The following CLPTM1 variants were observed in gnomAD, a reference collection of about 807,000 sequenced individuals.
The protein encoded by CLPTM1 is CLPTM1 regulator of GABA type A receptor forward trafficking, also known as putative lipid scramblase CLPTM1.
CLPTM1 carries 21 observed loss-of-function variants against 77.3 expected under a neutral mutation model. The ratio of observed to expected loss-of-function variants is 0.27; its 90% CI spans 0.19 to 0.39. CLPTM1 has a LOEUF of 0.39. CLPTM1 is among the 10% of genes least tolerant of loss of function. The pLI is 1.00. For synonymous variants in CLPTM1, 373 were observed against 381.0 expected (o/e 0.98, Z 0.24); for missense variants, 642 against 921.2 (o/e 0.70, Z 3.92).
intron 4 of CLPTM1, among the ~76,000 whole-genome samples, chr19:44,975,435 A>G (rs530406119): frequency 2.0e-5 from 3 of 152,238 alleles, no homozygotes; most frequent in Non-Finnish European, 4.4e-5. Flanking sequence ...GCTGAGTCCA[A>G]GACAGCTGCC....
chr19:44,986,473 C>G lies in CLPTM1; in HGVS notation c.691C>G (p.Pro231Ala), dbSNP rs2122323418. The change falls in exon 7 of 14, where the codon CCT becomes GCT. Residue 231 changes from proline (P) to alanine (A), a missense_variant. Pro to Ala is a conservative substitution (Grantham distance 27). Around this residue, in one of 2 missense-constraint regions of CLPTM1, gnomAD observed 521 missense variants for 800.4 expected, o/e 0.65. Transcript: ENST00000337392. ...GCCTCAGAGGGCTGAGGACTATGGG[C>G]CTGTGGAGGTGATCTCCCATTGGCA... ...EMIKRAEDYG[P>A]VEVISHWHPN... The G allele has an allele frequency of 6.2e-7, 1 of 1,614,074 alleles. No homozygotes were observed. Among genetic ancestry groups the G allele is most frequent in the Non-Finnish European group, 8.5e-7 (1 of 1,179,964 alleles).
At chr19:44,960,490 A>G (rs1250875858) in intron 1 of CLPTM1, among the ~76,000 whole-genome samples, 4 of 152,180 alleles carry the variant, frequency 2.6e-5, no homozygotes, top group Non-Finnish European at 5.9e-5. Flanking sequence ...TGGGACCAGG[A>G]CTATAGCTGA....
chr19:44,976,245 G>A (rs1379014303), intron 4 of CLPTM1, among the ~76,000 whole-genome samples: 2 of 152,174 alleles, frequency 1.3e-5, no homozygotes, highest in Non-Finnish European at 2.9e-5. Context: ...AAGGACCAGG[G>A]CCTGGCAGGC....
intron 5 of CLPTM1, among the ~76,000 whole-genome samples, chr19:44,979,372 G>C (rs917966383): frequency 6.6e-6 from 1 of 152,114 alleles, no homozygotes; most frequent in African/African-American, 2.4e-5. Flanking sequence ...AGCGGAGCTG[G>C]AGAATGGCTT....
intron 9 of CLPTM1, among the ~76,000 whole-genome samples, chr19:44,989,703 A>G (rs533648862): frequency 1.3e-5 from 2 of 152,280 alleles, no homozygotes; most frequent in African/African-American, 4.8e-5. Flanking sequence ...ACTGTGCTAC[A>G]GACGTGGTGG....
Position 44,993,063 on chromosome 19 carries a change from C to T in CLPTM1, c.*166C>T, listed in dbSNP as rs929129060. On this transcript the variant is annotated 3_prime_UTR_variant, in exon 14 of 14. Transcript: ENST00000337392. Reference sequence around the variant, plus strand: ...CGTGTGATGTAGGGGCCGGGGCAGGCCAGGGTTTGTTTGTGGAGGCGCTGT... The same window carrying T: ...CGTGTGATGTAGGGGCCGGGGCAGGTCAGGGTTTGTTTGTGGAGGCGCTGT... 14 of 881,264 alleles carry T rather than the reference C, an allele frequency of 1.6e-5. No individual in the cohort carries two copies. Among genetic ancestry groups the T allele is most frequent in the Middle Eastern group, 2.1e-4 (1 of 4,724 alleles). The allele number at this position is 881,264 out of a possible 1,614,324, so 54.6% of individuals were successfully genotyped here. A position where few individuals can be genotyped will look rare whatever the true frequency, so the allele number is the denominator to read the frequency against.
chr19:44,988,251 C>T (rs953017963), intron 9 of CLPTM1, 78 bp downstream of exon 9: 13 of 1,032,746 alleles, frequency 1.3e-5, no homozygotes, highest in Middle Eastern at 4.0e-4. Context: ...CCTCCCCTCC[C>T]TCCCCACATG....
intron 8 of CLPTM1, 32 bp from the exon 9 acceptor site, chr19:44,988,048 G>A: frequency 1.3e-6 from 2 of 1,525,488 alleles, no homozygotes; most frequent in Non-Finnish European, 1.8e-6. Flanking sequence ...TCCTGGGTGG[G>A]GACAGGCTGT....
At chr19:44,969,551 G>A (rs952648699) in intron 2 of CLPTM1, among the ~76,000 whole-genome samples, 10 of 152,180 alleles carry the variant, frequency 6.6e-5, no homozygotes, top group African/African-American at 1.9e-4. Flanking sequence ...CTTGCTGTTT[G>A]TTGTGCCATT....
chr19:44,971,802 G>A (rs983690113), intron 2 of CLPTM1, among the ~76,000 whole-genome samples: 5 of 149,898 alleles, frequency 3.3e-5, no homozygotes, highest in African/African-American at 9.8e-5. Context: ...CAAGCAATCC[G>A]CCTGCCTCAG....
At chr19:44,955,369 G>A, upstream of CLPTM1, 6 of 1,274,220 alleles carry the variant, frequency 4.7e-6, no homozygotes, top group Non-Finnish European at 6.0e-6. Flanking sequence ...GGGGCTGGCG[G>A]CGGGGGCGGG....
At position 44,992,872 on chromosome 19, in the gene CLPTM1, C is replaced by T. The variant is rs1393589201; in HGVS notation, c.1985C>T (p.Pro662Leu). ...ASEPQEAPPK[P>L]AEDKKKD The stretch of plus-strand genomic sequence containing the variant: ...GAGCCCCAGGAAGCCCCTCCAAAGC[C>T]AGCAGAGGACAAGAAAAAGGATTAG... Residue 662 changes from proline to leucine, a missense_variant, in exon 14 of 14, where the codon CCA becomes CTA. This residue lies in a region of CLPTM1 where 521 missense variants were observed against 800.4 expected (regional missense o/e 0.65). Transcript: ENST00000337392. This position sits in a 1 kb window ranked among gnomAD's most constrained non-coding sequence, Gnocchi z 7.7. 1.9e-6 allele frequency: 3 copies of T among 1,613,724 alleles called. No homozygotes were observed. The highest frequency in any genetic ancestry group is 2.7e-5 in the African/African-American group (2 of 74,910).
chr19:44,986,313 G>A, intron 6 of CLPTM1, 142 bp from the exon 7 acceptor site: 1 of 1,096,430 alleles, frequency 9.1e-7, no homozygotes, highest in Non-Finnish European at 1.3e-6. Flanking sequence ...AGCTTGGGCA[G>A]CATAGTGAGA....
At chr19:44,954,883 G>A (rs1970432152), upstream of CLPTM1, 19 of 1,262,254 alleles carry the variant, frequency 1.5e-5, no homozygotes, top group Non-Finnish European at 2.1e-5. Context: ...AGGAAGAGGG[G>A]TCAGAAGACA....
intron 9 of CLPTM1, 96 bp downstream of exon 9, chr19:44,988,269 C>T (rs1179626951): frequency 4.4e-6 from 4 of 918,388 alleles, no homozygotes; most frequent in South Asian, 2.7e-5. Context: ...ATGTCCTCCC[C>T]CTGCCTGGGG....
chr19:44,976,798 C>T (rs1417767752), intron 4 of CLPTM1, among the ~76,000 whole-genome samples: 1 of 152,178 alleles, frequency 6.6e-6, no homozygotes, highest in African/African-American at 2.4e-5. Flanking sequence ...ACTTGCCACA[C>T]ACTATGTGAC....
At chr19:44,981,959 TTTAA>T (rs1438966751) in intron 5 of CLPTM1, among the ~76,000 whole-genome samples, 5 of 152,022 alleles carry the variant, frequency 3.3e-5, no homozygotes, top group African/African-American at 1.2e-4. Context: ...TCAATAATAG[TTTAA>T]TTGAGCTCAA....
rs139577112 is a variant in CLPTM1 at position 44,988,264 on chromosome 19, C to T, written c.1132+91C>T. On this transcript the variant is annotated intron_variant, in intron 9 of 13. Transcript: ENST00000337392. ...CTCCTCCCCTCCCTCCCCACATGTCCTCCCCCTGCCTGGGGTCTCTCAGCC... is the reference window on the plus strand; with the variant it reads ...CTCCTCCCCTCCCTCCCCACATGTCTTCCCCCTGCCTGGGGTCTCTCAGCC... 6.5e-4 allele frequency: 605 copies of T among 934,188 alleles called. 4 individuals carry two copies. In the African/African-American group the frequency reaches 8.8e-3, roughly 14 times the overall value. 57.9% of individuals were successfully genotyped at this position (934,188 alleles called of 1,614,324 possible).
Position 44,993,104 on chromosome 19 carries a change from T to G in CLPTM1, c.*207T>G, listed in dbSNP as rs1387154456. 12 of 693,852 alleles carry G rather than the reference T, an allele frequency of 1.7e-5. No homozygotes were observed. The highest frequency in any genetic ancestry group is 3.1e-5 in the Non-Finnish European group (12 of 381,718). 43.0% of individuals were successfully genotyped at this position (693,852 alleles called of 1,614,324 possible). A position where few individuals can be genotyped will look rare whatever the true frequency, so the allele number is the denominator to read the frequency against. On this transcript the variant is annotated 3_prime_UTR_variant, in exon 14 of 14. Transcript: ENST00000337392. ...GAGGCGCTGTCTGTCCCTCTGTCCC[T>G]CTGTGTTTCCAGCCATCTCGCCCTG...
Sources: gnomAD v4.1 joint callset for allele counts (sites outside exome capture counted in the v4.1 genomes callset) on GRCh38, gnomAD v4.1.1 for gene constraint, gnomAD v4.1.1 regional missense constraint, Gnocchi (gnomAD v3.1) non-coding constraint, MANE v1.5 for transcripts, NCBI Gene and HGNC (gene_info 2026-07-23, HGNC 2026-07-21) for gene names.